TM9SF3: variants seen among roughly 807,000 people sequenced by gnomAD.
The protein encoded by TM9SF3 is transmembrane 9 superfamily member 3, also known as SM-11044-binding protein.
TM9SF3 carries 14 observed loss-of-function variants against 78.6 expected under a neutral mutation model. That is an observed-to-expected ratio of 0.18 (90% CI 0.12 to 0.28). TM9SF3 has a LOEUF of 0.28. TM9SF3 is among the 10% of genes least tolerant of loss of function. The probability of loss-of-function intolerance (pLI) is 1.00; values close to 1 mark genes in which losing one functional copy is unlikely to be tolerated. For synonymous variants in TM9SF3, 231 were observed against 241.7 expected, an observed-to-expected ratio of 0.96 and a Z score of 0.41; for missense variants, 496 against 721.9, an observed-to-expected ratio of 0.69 and a Z score of 3.59.
chr10:96,575,470 G>A (rs1848486285), intron 2 of TM9SF3, among the ~76,000 whole-genome samples: 1 of 151,528 alleles, frequency 6.6e-6, no homozygotes, highest in Non-Finnish European at 1.5e-5. Flanking sequence ...GGGGGATGGG[G>A]AGGGGGGAGA....
chr10:96,523,986 G>A (rs1847810482), intron 14 of TM9SF3, among the ~76,000 whole-genome samples: 1 of 151,698 alleles, frequency 6.6e-6, no homozygotes, highest in Non-Finnish European at 1.5e-5. Context: ...GACATATACT[G>A]AAATATTTAC....
At chr10:96,564,707 G>A (rs920617298) in intron 3 of TM9SF3, among the ~76,000 whole-genome samples, 1 of 152,266 alleles carries the variant, frequency 6.6e-6, no homozygotes, top group South Asian at 2.1e-4. Flanking sequence ...AGAAAAATGT[G>A]ATCAAACATA....
intron 5 of TM9SF3, among the ~76,000 whole-genome samples, chr10:96,557,221 C>A (rs904012908): frequency 3.3e-5 from 5 of 152,120 alleles, no homozygotes; most frequent in African/African-American, 1.2e-4. Flanking sequence ...ATTTGCCGGT[C>A]AATATCTCCA....
In TM9SF3 at chr10:96,585,514, TAAAG is replaced by T. The variant is rs368363851; in HGVS notation, c.102+1216_102+1219del. Among the ~76,000 whole-genome samples the T allele has an allele frequency of 2.2e-4, 34 of 152,324 alleles. 2 individuals carry two copies. The East Asian group carries it at 4.8e-3, about 22-fold the overall frequency. ...GTCACCAATTCGAGATTTGTGTCTC[TAAAG>T]AAATACATACCTACACAGGTAAGAA... On this transcript the variant is annotated intron_variant, in intron 1 of 14. Transcript: ENST00000371142.
At chr10:96,560,681 T>C (rs970392154) in intron 4 of TM9SF3, 15 of 600,584 alleles carry the variant, frequency 2.5e-5, no homozygotes, top group African/African-American at 1.5e-4. Context: ...ATGATGATGA[T>C]GATGACGATT....
At chr10:96,544,240 A>T in intron 8 of TM9SF3, 34 bp from the exon 9 acceptor site, 1 of 1,510,700 alleles carries the variant, frequency 6.6e-7, no homozygotes, top group East Asian at 2.4e-5. Context: ...AGTTTAATAT[A>T]ATTATTTAGT....
At chr10:96,571,431 C>A (rs1300347934) in intron 2 of TM9SF3, among the ~76,000 whole-genome samples, 4 of 152,134 alleles carry the variant, frequency 2.6e-5, no homozygotes, top group African/African-American at 9.7e-5. Context: ...ATAGCAGAAG[C>A]TAGGGACTGA....
chr10:96,529,773 G>A (rs1393045641), intron 11 of TM9SF3, among the ~76,000 whole-genome samples: 5 of 152,006 alleles, frequency 3.3e-5, no homozygotes, highest in African/African-American at 4.8e-5. Context: ...AATTACGTCC[G>A]TTAAGGAGAC....
Position 96,522,320 on chromosome 10 carries a change from A to T in TM9SF3, c.1713T>A (p.Gly571=). 6.3e-7 allele frequency: 1 copy of T among 1,581,066 alleles called. No individual in the cohort carries two copies. Among genetic ancestry groups the T allele is most frequent in the Non-Finnish European group, 8.6e-7 (1 of 1,168,870 alleles). The change falls in exon 15 of 15, where the codon GGT becomes GGA. Residue 571 remains glycine (G), a synonymous_variant. Coordinates refer to ENST00000371142, the MANE Select transcript of TM9SF3 (RefSeq NM_020123.4). ...GGACAAAGGCACTTGTTCCCATGTA[A>T]CCAATCGCTCCTGCAAAGATAAAAT... ...TALGIMCGAI[G]YMGTSAFVRK... is the part of the protein sequence containing the mutation.
At position 96,556,548 on chromosome 10, in the gene TM9SF3, A is replaced by G. The variant is rs554761632; in HGVS notation, c.660+3111T>C. Among the ~76,000 whole-genome samples the G allele has an allele frequency of 3.9e-5, 6 of 152,198 alleles. No homozygotes were observed. In the East Asian group the frequency reaches 9.7e-4, roughly 25 times the overall value. On this transcript the variant is annotated intron_variant, in intron 5 of 14. Transcript: ENST00000371142. ...ACAGTACATCATATCCCTTCCTTCT[A>G]CTTAAGGAAAACGATGCAGTATTTC... is the stretch of plus-strand genomic sequence containing the variant.
chr10:96,561,762 C>T (rs1003304103), intron 4 of TM9SF3, among the ~76,000 whole-genome samples: 6 of 152,196 alleles, frequency 3.9e-5, no homozygotes, highest in African/African-American at 1.4e-4. Context: ...TTAGCTCCTG[C>T]AAAGGCATAA....
intron 2 of TM9SF3, among the ~76,000 whole-genome samples, chr10:96,571,000 A>G (rs1280457449): frequency 2.0e-5 from 3 of 152,152 alleles, no homozygotes; most frequent in African/African-American, 7.2e-5. Flanking sequence ...CGGCTTCCCA[A>G]AGTGCTGGGA....
chr10:96,536,794 C>T (rs1476548480), intron 9 of TM9SF3, among the ~76,000 whole-genome samples: 2 of 152,082 alleles, frequency 1.3e-5, no homozygotes, highest in Non-Finnish European at 2.9e-5. Context: ...TTATGATTTT[C>T]TCTTTTGAAG....
rs1847740963 is a variant in TM9SF3, at chr10:96,519,716, T to C, written c.*2547A>G. 1 of 151,980 alleles carries C rather than the reference T, an allele frequency of 6.6e-6. No individual in the cohort carries two copies. Among genetic ancestry groups the C allele is most frequent in the Non-Finnish European group, 1.5e-5 (1 of 67,868 alleles). 9.4% of individuals were successfully genotyped at this position (151,980 alleles called of 1,614,324 possible). The stretch of plus-strand genomic sequence containing the variant: ...AATTAACTTGAATAATGTTCTATTT[T>C]CTATTCTACAACTGAGCGCTAGGGA... On this transcript the variant is annotated 3_prime_UTR_variant, in exon 15 of 15. Coordinates refer to ENST00000371142, the MANE Select transcript of TM9SF3 (RefSeq NM_020123.4).
rs750924284 is a variant in TM9SF3 at position 96,548,006 on chromosome 10, GAA to G, written c.960-19_960-18del. 1.4e-6 allele frequency: 2 copies of G among 1,459,144 alleles called. No homozygotes were observed. The highest frequency in any genetic ancestry group is 2.2e-5 in the Admixed American group (1 of 44,696). The allele number at this position is 1,459,144 out of a possible 1,614,324, so 90.4% of individuals were successfully genotyped here. ...GATCCCCTCCTAAAAAGGCAAAAAA[GAA>G]AAAAAAAATTAAAACCAACAATTTA... On this transcript the variant is annotated intron_variant, in intron 7 of 14. Coordinates refer to ENST00000371142, the MANE Select transcript of TM9SF3 (RefSeq NM_020123.4).
intron 8 of TM9SF3, 53 bp from the exon 9 acceptor site, chr10:96,544,259 ATT>A (rs1382908796): frequency 3.3e-5 from 47 of 1,423,044 alleles, no homozygotes; most frequent in Non-Finnish European, 4.2e-5. Context: ...GTACGAAATT[ATT>A]TGTTTGAAAT....
intron 9 of TM9SF3, among the ~76,000 whole-genome samples, chr10:96,535,104 A>G (rs779398829): frequency 1.3e-5 from 2 of 152,236 alleles, no homozygotes; most frequent in East Asian, 1.9e-4. Flanking sequence ...TTCTGTGCAC[A>G]TAACAGTCAA....
intron 4 of TM9SF3, among the ~76,000 whole-genome samples, chr10:96,561,161 T>C (rs1041090831): frequency 6.6e-6 from 1 of 152,200 alleles, no homozygotes; most frequent in Non-Finnish European, 1.5e-5. Context: ...TGCCCTTTGC[T>C]TTCTATTACT....
chr10:96,563,000 A>T (rs1564936823), intron 3 of TM9SF3, among the ~76,000 whole-genome samples: 1 of 152,190 alleles, frequency 6.6e-6, no homozygotes, highest in Non-Finnish European at 1.5e-5. Flanking sequence ...AACCAAAGTG[A>T]TTCTAATTGG....
Sources: allele counts gnomAD v4.1 joint callset (sites outside exome capture counted in the v4.1 genomes callset), GRCh38; gene constraint gnomAD v4.1.1; transcripts MANE v1.5; gene names NCBI Gene and HGNC (gene_info 2026-07-23, HGNC 2026-07-21).